PUS10: variants seen among roughly 807,000 people sequenced by gnomAD.
PUS10 encodes tRNA pseudouridine synthase Pus10.
Under a neutral mutation model 75.0 loss-of-function variants are expected in PUS10, and 59 were observed. The observed-to-expected ratio is 0.79, with a 90% confidence interval of 0.64 to 0.98. PUS10 has a LOEUF of 0.98. Among genes scored for constraint, PUS10 ranks in the 50% least tolerant of loss-of-function variants. PUS10 has a pLI of 0.00. For missense variants in PUS10, 650 were observed against 614.4 expected, an observed-to-expected ratio of 1.06 and a Z score of -0.61; for synonymous variants, 219 against 211.6, an observed-to-expected ratio of 1.03 and a Z score of -0.30.
At chr2:60,945,694 TTCTC>T (rs976446060) in intron 16 of PUS10, among the ~76,000 whole-genome samples, 61 of 152,288 alleles carry the variant, frequency 4.0e-4, no homozygotes, top group African/African-American at 1.4e-3. Flanking sequence ...ACTAAGTTAA[TTCTC>T]TCTCTCTTTC....
At chr2:60,960,149 CA>C (rs559273848) in intron 11 of PUS10, among the ~76,000 whole-genome samples, 120 of 88,268 alleles carry the variant, frequency 1.4e-3, no homozygotes, top group South Asian at 5.9e-3. Context: ...CAGGCTCTCT[CA>C]AAAAAAAAAA....
At chr2:60,955,136 C>G (rs1229074158) in intron 11 of PUS10, 62 bp from the exon 12 acceptor site, 1 of 1,070,680 alleles carries the variant, frequency 9.3e-7, no homozygotes, top group African/African-American at 1.6e-5. Flanking sequence ...TATTCATTCC[C>G]AACCTTTGCT....
At chr2:60,978,529 C>G (rs1677186474) in intron 4 of PUS10, among the ~76,000 whole-genome samples, 2 of 151,234 alleles carry the variant, frequency 1.3e-5, no homozygotes, top group Non-Finnish European at 2.9e-5. Context: ...TGGGAAGGTT[C>G]TGGGGACTAT....
chr2:60,994,129 T>C (rs1558963253), intron 4 of PUS10, among the ~76,000 whole-genome samples: 1 of 151,546 alleles, frequency 6.6e-6, no homozygotes. Context: ...CCAAAGACTA[T>C]TTTGCTGGTC....
chr2:60,952,820 G>T (rs1469533925), intron 15 of PUS10, among the ~76,000 whole-genome samples, 177 bp downstream of exon 15: 1 of 152,200 alleles, frequency 6.6e-6, no homozygotes, highest in Non-Finnish European at 1.5e-5. Context: ...CGCTCCAGGG[G>T]GTTAGATGAA....
intron 4 of PUS10, among the ~76,000 whole-genome samples, chr2:60,985,781 T>A (rs1231845487): frequency 2.0e-5 from 3 of 152,012 alleles, no homozygotes; most frequent in Admixed American, 2.0e-4. Flanking sequence ...ACTACAGAGG[T>A]GTTAGCCACT....
chr2:60,982,116 C>T (rs143798688), intron 4 of PUS10, among the ~76,000 whole-genome samples: 27 of 152,104 alleles, frequency 1.8e-4, no homozygotes, highest in Non-Finnish European at 2.9e-4. Flanking sequence ...AGGCCTCTAA[C>T]TTCCTCCTAG....
intron 4 of PUS10, among the ~76,000 whole-genome samples, chr2:60,979,805 A>G (rs1677270782): frequency 6.6e-6 from 1 of 152,234 alleles, no homozygotes; most frequent in Non-Finnish European, 1.5e-5. Flanking sequence ...TAGCATTGAA[A>G]AGGTTGAAGA....
At chr2:60,999,728 T>G (rs904245047) in intron 4 of PUS10, among the ~76,000 whole-genome samples, 9 of 152,192 alleles carry the variant, frequency 5.9e-5, no homozygotes, top group Non-Finnish European at 1.2e-4. Context: ...ACACTTTCTT[T>G]CTATGTATCT....
Position 61,008,883 on chromosome 2 carries a change from C to A in PUS10, c.259G>T (p.Gly87Ter). Reference sequence around the variant, plus strand: ...TGACTAACAGAGATCCTTCCCTCTCCATTTTGACTTAGATTATCAATACTA... The same window carrying A: ...TGACTAACAGAGATCCTTCCCTCTCAATTTTGACTTAGATTATCAATACTA... ...EDSIDNLSQN[G>*]EGRISVSHVG... Residue 87 changes from glycine to a stop codon, truncating the protein, a stop_gained, in exon 3 of 18, where the codon GGA (glycine) becomes TGA (stop). Coordinates refer to ENST00000316752, the MANE Select transcript of PUS10 (RefSeq NM_144709.4). LOFTEE classifies it high-confidence loss of function. 1 of 1,613,916 alleles carries A rather than the reference C, an allele frequency of 6.2e-7. No individual in the cohort carries two copies. Among genetic ancestry groups the A allele is most frequent in the East Asian group, 2.2e-5 (1 of 44,838 alleles).
At chr2:60,944,582 A>G (rs1046926133) in intron 17 of PUS10, among the ~76,000 whole-genome samples, 1 of 152,208 alleles carries the variant, frequency 6.6e-6, no homozygotes, top group Non-Finnish European at 1.5e-5. Context: ...TTCAGACTGT[A>G]AGAGCAGAGA....
intron 4 of PUS10, among the ~76,000 whole-genome samples, chr2:60,991,075 C>G (rs1183847523): frequency 6.6e-6 from 1 of 151,972 alleles, no homozygotes. Flanking sequence ...GACGGAGTCT[C>G]TCTATGTTGC....
chr2:60,950,594 T>C (rs1382577659), intron 15 of PUS10, among the ~76,000 whole-genome samples: 1 of 152,168 alleles, frequency 6.6e-6, no homozygotes, highest in Non-Finnish European at 1.5e-5. Context: ...ATTTTTTGTA[T>C]TTTCAGTAGA....
At chr2:60,964,735 T>C (rs1676231691) in intron 8 of PUS10, among the ~76,000 whole-genome samples, 1 of 152,174 alleles carries the variant, frequency 6.6e-6, no homozygotes, top group South Asian at 2.1e-4. Context: ...ATGATGTAAT[T>C]TGAGGGATTA....
At chr2:60,980,207 GTAACTCTAGAGT>G (rs1429420891) in intron 4 of PUS10, among the ~76,000 whole-genome samples, 2 of 152,166 alleles carry the variant, frequency 1.3e-5, no homozygotes, top group Non-Finnish European at 2.9e-5. Context: ...TGAATTTCAG[GTAACTCTAGAGT>G]TAATAACCTC....
At chr2:60,980,211 C>T (rs1272553669) in intron 4 of PUS10, among the ~76,000 whole-genome samples, 3 of 152,188 alleles carry the variant, frequency 2.0e-5, no homozygotes, top group African/African-American at 7.2e-5. Flanking sequence ...TTTCAGGTAA[C>T]TCTAGAGTTA....
intron 1 of PUS10, 159 bp downstream of exon 1, chr2:61,017,849 C>A: frequency 6.5e-7 from 1 of 1,550,384 alleles, no homozygotes; most frequent in Non-Finnish European, 8.7e-7. Flanking sequence ...GCCCCACTTT[C>A]CAGTGAGTGT....
rs537631433 is a variant in PUS10, at chr2:61,007,688, G to T, written c.382-1045C>A. Among the ~76,000 whole-genome samples the T allele has an allele frequency of 4.8e-5, 7 of 147,262 alleles. No homozygotes were observed. In the South Asian group the frequency reaches 1.5e-3, roughly 32 times the overall value. The stretch of plus-strand genomic sequence containing the variant: ...GGAGGCTGAGGCAAGAGAATCATTT[G>T]AACCTGGGAGGCGGAGGTTGTAGTG... On this transcript the variant is annotated intron_variant, in intron 3 of 17. Transcript: ENST00000316752.
intron 2 of PUS10, 24 bp downstream of exon 2, chr2:61,011,741 A>AAG: frequency 6.7e-7 from 1 of 1,492,382 alleles, no homozygotes. Context: ...AATTTGAAAA[A>AAG]AAAAAAAAAA....
Sources: gnomAD v4.1 joint callset for allele counts (sites outside exome capture counted in the v4.1 genomes callset) on GRCh38, gnomAD v4.1.1 for gene constraint, MANE v1.5 for transcripts, NCBI Gene and HGNC (gene_info 2026-07-23, HGNC 2026-07-21) for gene names.